Variants in EPB41L4A observed in about 807,000 individuals in gnomAD.
EPB41L4A encodes the protein erythrocyte membrane protein band 4.1 like 4A, also known as band 4.1-like protein 4A.
A neutral mutation model predicts 108.6 loss-of-function variants in EPB41L4A; 100 were observed. The ratio of observed to expected loss-of-function variants is 0.92; its 90% CI spans 0.78 to 1.09. The LOEUF is 1.09. Ranked by LOEUF, EPB41L4A falls within the 50% of genes least tolerant of loss-of-function variation. The pLI, the probability that EPB41L4A is intolerant of heterozygous loss-of-function variation, is 0.00. For missense variants in EPB41L4A, 1,030 were observed against 842.7 expected (o/e 1.22, Z -2.75); for synonymous variants, 319 against 289.0 (o/e 1.10, Z -1.05).
intron 12 of EPB41L4A, chr5:112,228,319 C>G (rs1748615373): frequency 6.6e-6 from 1 of 152,254 alleles, no homozygotes; most frequent in Admixed American, 6.5e-5. Flanking sequence ...TAGGTCCACT[C>G]CGCTGCACAG....
chr5:112,260,789 C>T (rs960056219), intron 7 of EPB41L4A, among the ~76,000 whole-genome samples: 31 of 152,270 alleles, frequency 2.0e-4, no homozygotes, highest in African/African-American at 7.2e-4. Flanking sequence ...GTTATTTCTA[C>T]TCTAAGATAA....
chr5:112,302,607 A>C (rs2150568177), intron 2 of EPB41L4A, among the ~76,000 whole-genome samples: 1 of 152,278 alleles, frequency 6.6e-6, no homozygotes, highest in Admixed American at 6.5e-5. Context: ...AGAGGAACTG[A>C]AGTATAGAAA....
At chr5:112,352,645 TTTTG>T (rs1248769520) in intron 1 of EPB41L4A, among the ~76,000 whole-genome samples, 2 of 152,208 alleles carry the variant, frequency 1.3e-5, no homozygotes, top group Non-Finnish European at 2.9e-5. Context: ...TTGTTTTCCG[TTTTG>T]TTTATCTTTC....
At chr5:112,291,912 C>T (rs548700170) in intron 2 of EPB41L4A, among the ~76,000 whole-genome samples, 38 of 152,324 alleles carry the variant, frequency 2.5e-4, no homozygotes, top group Middle Eastern at 3.4e-3. Context: ...AAGAGAAGGT[C>T]ATGGGAACTC....
intron 12 of EPB41L4A, among the ~76,000 whole-genome samples, chr5:112,213,708 C>T (rs1747413294): frequency 6.6e-6 from 1 of 152,142 alleles, no homozygotes; most frequent in Admixed American, 6.6e-5. Context: ...TACTCCCCTA[C>T]TCTATAACAA....
intron 1 of EPB41L4A, among the ~76,000 whole-genome samples, chr5:112,380,801 A>G (rs559726565): frequency 5.8e-5 from 3 of 51,458 alleles, no homozygotes; most frequent in Admixed American, 1.9e-4. Flanking sequence ...ATACACACAC[A>G]CACACACACA....
chr5:112,235,166 A>G (rs4312931), intron 11 of EPB41L4A, among the ~76,000 whole-genome samples: 100,876 of 151,956 alleles, frequency 0.66, 34,108 homozygotes, highest in African/African-American at 0.75. Context: ...ATCCCCCACA[A>G]GACCACTCGG....
intron 1 of EPB41L4A, among the ~76,000 whole-genome samples, chr5:112,380,242 C>T (rs1474950846): frequency 6.6e-6 from 1 of 152,128 alleles, no homozygotes; most frequent in East Asian, 1.9e-4. Flanking sequence ...TTAGAAGGAA[C>T]TGAAAACAAG....
chr5:112,212,955 C>T (rs1747318106), intron 12 of EPB41L4A, among the ~76,000 whole-genome samples: 1 of 152,028 alleles, frequency 6.6e-6, no homozygotes, highest in South Asian at 2.1e-4. Flanking sequence ...CCCTTCCATC[C>T]AAAAATTAAC....
intron 1 of EPB41L4A, among the ~76,000 whole-genome samples, chr5:112,336,485 G>C (rs576782806): frequency 6.6e-6 from 1 of 152,302 alleles, no homozygotes; most frequent in African/African-American, 2.4e-5. Flanking sequence ...GCTTCAAAGT[G>C]GGGTGATTCT....
At chr5:112,402,066 T>A (rs1031634607) in intron 1 of EPB41L4A, among the ~76,000 whole-genome samples, 1 of 152,214 alleles carries the variant, frequency 6.6e-6, no homozygotes, top group South Asian at 2.1e-4. Context: ...CCCGCCCAAA[T>A]CTCACCTTGA....
chr5:112,417,961 G>C (rs1762806119), intron 1 of EPB41L4A, among the ~76,000 whole-genome samples: 1 of 152,174 alleles, frequency 6.6e-6, no homozygotes, highest in South Asian at 2.1e-4. Flanking sequence ...ACCCCATTAT[G>C]ATTAACTTCT....
intron 12 of EPB41L4A, among the ~76,000 whole-genome samples, chr5:112,214,745 G>A (rs560664478): frequency 9.2e-5 from 14 of 151,582 alleles, no homozygotes; most frequent in Admixed American, 4.6e-4. Flanking sequence ...CAGCCCAGGC[G>A]ACAGAGCAAG....
At chr5:112,391,963 T>C (rs1156333724) in intron 1 of EPB41L4A, among the ~76,000 whole-genome samples, 1 of 152,180 alleles carries the variant, frequency 6.6e-6, no homozygotes, top group East Asian at 1.9e-4. Flanking sequence ...GAATTTCATA[T>C]ACAGCCAAAC....
At chr5:112,234,847 G>T in intron 11 of EPB41L4A, 92 bp from the exon 12 acceptor site, 1 of 1,383,746 alleles carries the variant, frequency 7.2e-7, no homozygotes, top group Non-Finnish European at 9.7e-7. Context: ...CAAATATGGA[G>T]AGAAGAAAAA....
At chr5:112,341,474 T>A (rs1273096693) in intron 1 of EPB41L4A, among the ~76,000 whole-genome samples, 1 of 152,228 alleles carries the variant, frequency 6.6e-6, no homozygotes, top group African/African-American at 2.4e-5. Context: ...TATCTGATGC[T>A]TTAACTGTCA....
At chr5:112,204,305 T>C (rs1762360103) in intron 15 of EPB41L4A, 70 bp downstream of exon 15, 9 of 987,152 alleles carry the variant, frequency 9.1e-6, no homozygotes, top group Non-Finnish European at 1.5e-5. Context: ...GAATCACCTA[T>C]TATAAAGTCA....
intron 1 of EPB41L4A, among the ~76,000 whole-genome samples, chr5:112,383,809 G>C (rs1027154329): frequency 1.3e-5 from 2 of 151,908 alleles, no homozygotes; most frequent in Non-Finnish European, 2.9e-5. Flanking sequence ...AATGGTAAAT[G>C]AAAAAACAGT....
chr5:112,325,668 G>A (rs895384165), intron 1 of EPB41L4A, among the ~76,000 whole-genome samples: 5 of 152,152 alleles, frequency 3.3e-5, no homozygotes. Context: ...CAAAGCCAAA[G>A]AACAGCACAG....
Sources: gnomAD v4.1 joint callset for allele counts (sites outside exome capture counted in the v4.1 genomes callset) on GRCh38, gnomAD v4.1.1 for gene constraint, MANE v1.5 for transcripts, NCBI Gene and HGNC (gene_info 2026-07-23, HGNC 2026-07-21) for gene names.